UGT1A7: variants seen among roughly 807,000 people sequenced by gnomAD.
UGT1A7 encodes the protein UDP-glucuronosyltransferase 1A7.
In UGT1A7, 33 loss-of-function variants were observed where a neutral mutation model predicts 45.6. The ratio of observed to expected loss-of-function variants is 0.72; its 90% CI spans 0.55 to 0.97. The LOEUF (loss-of-function observed/expected upper bound fraction) is 0.97. Ranked by LOEUF, UGT1A7 falls within the 50% of genes least tolerant of loss-of-function variation. The pLI is 0.00. For missense variants in UGT1A7, 684 were observed against 666.2 expected, an observed-to-expected ratio of 1.03 and a Z score of -0.29; for synonymous variants, 274 against 250.6, an observed-to-expected ratio of 1.09 and a Z score of -0.88.
chr2:233,682,896 T>C (rs2074606166), intron 1 of UGT1A7, 104 bp downstream of exon 1: 1 of 1,507,006 alleles, frequency 6.6e-7, no homozygotes. Flanking sequence ...CCATTTGGAA[T>C]TTCTTTCTGG....
rs766247764 is a variant in UGT1A7, at chr2:233,681,904, A to T, written c.-34A>T. 14 of 1,596,016 alleles carry T rather than the reference A, an allele frequency of 8.8e-6. No homozygotes were observed. The highest frequency in any genetic ancestry group is 1.3e-5 in the African/African-American group (1 of 74,300). On this transcript the variant is annotated 5_prime_UTR_variant, in exon 1 of 5. Coordinates refer to ENST00000373426, the MANE Select transcript of UGT1A7 (RefSeq NM_019077.3). ...ACTTACTATATTATAGGAGCTTAGA[A>T]TCCCAGCTGCTGGCTCTGGGCTGAA...
At chr2:233,731,273 A>G (rs1323685253) in intron 1 of UGT1A7, among the ~76,000 whole-genome samples, 1 of 147,192 alleles carries the variant, frequency 6.8e-6, no homozygotes. Flanking sequence ...TTGCCCTTCC[A>G]GTTTTTCTTT....
chr2:233,742,906 T>G (rs1484146320), intron 1 of UGT1A7: 79 of 166,834 alleles, frequency 4.7e-4, no homozygotes, highest in Non-Finnish European at 5.6e-4. Context: ...AAAAAGGTAA[T>G]GCTCAAAGTG....
At position 233,769,321 on chromosome 2, in the gene UGT1A7, T is replaced by C. The variant is rs571873884; in HGVS notation, c.1295+882T>C. Among the ~76,000 whole-genome samples, 2 of 152,374 alleles carry C rather than the reference T, an allele frequency of 1.3e-5. No individual in the cohort carries two copies. The highest frequency in any genetic ancestry group is 4.1e-4 in the South Asian group (2 of 4,830). ...AGTATATTACTGTCAAGCTCACTGG[T>C]AATAGGCTTATTAGAACCTTATGGG... On this transcript the variant is annotated intron_variant, in intron 4 of 4. Coordinates refer to ENST00000373426, the MANE Select transcript of UGT1A7 (RefSeq NM_019077.3). The surrounding 1 kb of genome is among the most constrained non-coding windows in gnomAD (Gnocchi z 4.4).
intron 1 of UGT1A7, among the ~76,000 whole-genome samples, chr2:233,707,191 C>A (rs976926305): frequency 6.6e-6 from 1 of 152,094 alleles, no homozygotes; most frequent in Non-Finnish European, 1.5e-5. Flanking sequence ...GCCTGCCCTC[C>A]GTTCTATTCC....
intron 1 of UGT1A7, among the ~76,000 whole-genome samples, chr2:233,698,826 G>C (rs1354236618): frequency 6.6e-6 from 1 of 152,220 alleles, no homozygotes; most frequent in Non-Finnish European, 1.5e-5. Context: ...GGAAGAGTAA[G>C]GCAGGATCAC....
intron 1 of UGT1A7, among the ~76,000 whole-genome samples, chr2:233,750,023 T>C (rs1409167915): frequency 6.6e-6 from 1 of 152,000 alleles, no homozygotes; most frequent in African/African-American, 2.4e-5. Context: ...AGTGGAGTAC[T>C]GCTATAAAGA....
intron 1 of UGT1A7, among the ~76,000 whole-genome samples, chr2:233,757,990 G>A (rs1696768799): frequency 6.6e-6 from 1 of 152,054 alleles, no homozygotes; most frequent in Non-Finnish European, 1.5e-5. Flanking sequence ...ACCATCCCCT[G>A]TAATTGCCTG....
At chr2:233,761,742 A>T (rs1697852650) in intron 1 of UGT1A7, among the ~76,000 whole-genome samples, 2 of 152,204 alleles carry the variant, frequency 1.3e-5, no homozygotes, top group South Asian at 4.1e-4. Flanking sequence ...TCCCCTACAG[A>T]GTTTGAAGTA....
At chr2:233,772,179 C>T (rs540394959) in intron 4 of UGT1A7, 83 bp from the exon 5 acceptor site, 1 of 1,585,310 alleles carries the variant, frequency 6.3e-7, no homozygotes, top group East Asian at 2.3e-5. Context: ...ATCTGGTAGT[C>T]TTCTTAAGCA....
At chr2:233,710,145 TATC>T (rs1430015885) in intron 1 of UGT1A7, among the ~76,000 whole-genome samples, 2 of 152,254 alleles carry the variant, frequency 1.3e-5, no homozygotes, top group African/African-American at 4.8e-5. Context: ...TGTATAGATA[TATC>T]ATCATTTGCT....
intron 1 of UGT1A7, among the ~76,000 whole-genome samples, chr2:233,762,133 C>T (rs1697980653): frequency 6.6e-6 from 1 of 152,096 alleles, no homozygotes. Flanking sequence ...ATGTGGGGAC[C>T]TGTGTGACTT....
intron 1 of UGT1A7, chr2:233,760,446 G>T (rs149071335): frequency 6.2e-7 from 1 of 1,614,210 alleles, no homozygotes; most frequent in Non-Finnish European, 8.5e-7. Flanking sequence ...TGCAGCAGAG[G>T]GGACATGAAA....
At chr2:233,713,923 C>T in intron 1 of UGT1A7, 4 of 1,612,024 alleles carry the variant, frequency 2.5e-6, no homozygotes, top group Non-Finnish European at 3.4e-6. Context: ...AATGTATTTA[C>T]TTACAAGTGC....
At chr2:233,738,731 C>T (rs1205988900) in intron 1 of UGT1A7, among the ~76,000 whole-genome samples, 1 of 152,174 alleles carries the variant, frequency 6.6e-6, no homozygotes. Context: ...GGAAAATTTG[C>T]AGCCTGACCA....
chr2:233,724,160 G>A (rs2077179945), intron 1 of UGT1A7, among the ~76,000 whole-genome samples: 4 of 120,854 alleles, frequency 3.3e-5, no homozygotes, highest in Admixed American at 7.7e-5. Context: ...GGGTGGGGGG[G>A]CTGACCCCCC....
intron 1 of UGT1A7, among the ~76,000 whole-genome samples, chr2:233,722,679 C>T (rs2125688631): frequency 6.6e-6 from 1 of 152,152 alleles, no homozygotes; most frequent in African/African-American, 2.4e-5. Flanking sequence ...GTAAAAATTG[C>T]TGTTCTTTTC....
At chr2:233,748,198 C>T (rs1478971867) in intron 1 of UGT1A7, 15 of 1,535,826 alleles carry the variant, frequency 9.8e-6, no homozygotes, top group Non-Finnish European at 1.1e-5. Flanking sequence ...TTCTGCTTGT[C>T]GTAATAGCCT....
At chr2:233,708,581 T>C (rs2076023977) in intron 1 of UGT1A7, 1 of 152,154 alleles carries the variant, frequency 6.6e-6, no homozygotes, top group Non-Finnish European at 1.5e-5. Context: ...GTGAGATTCC[T>C]TCACTACAGA....
Sources: allele counts gnomAD v4.1 joint callset (sites outside exome capture counted in the v4.1 genomes callset), GRCh38; gene constraint gnomAD v4.1.1; non-coding constraint Gnocchi (gnomAD v3.1); transcripts MANE v1.5; gene names NCBI Gene and HGNC (gene_info 2026-07-23, HGNC 2026-07-21).